Variants in DOCK4 observed in about 807,000 individuals in gnomAD.
DOCK4 encodes the protein dedicator of cytokinesis protein 4.
Under a neutral mutation model 268.1 loss-of-function variants are expected in DOCK4, and 97 were observed. That is an observed-to-expected ratio of 0.36 (90% CI 0.31 to 0.43). The LOEUF is 0.43. Among genes scored for constraint, DOCK4 ranks in the 20% least tolerant of loss-of-function variants. The probability of loss-of-function intolerance (pLI) is 1.00; values close to 1 mark genes in which losing one functional copy is unlikely to be tolerated. For missense variants in DOCK4, 2,145 were observed against 2,455.7 expected (o/e 0.87, Z 2.67); for synonymous variants, 954 against 887.2 (o/e 1.08, Z -1.34).
chr7:111,818,051 G>A (rs936260675), intron 27 of DOCK4, among the ~76,000 whole-genome samples: 4 of 152,136 alleles, frequency 2.6e-5, no homozygotes, highest in African/African-American at 9.7e-5. Context: ...TTCTTCACAG[G>A]ATACTGTACT....
intron 25 of DOCK4, among the ~76,000 whole-genome samples, chr7:111,839,760 A>G (rs1428067248): frequency 6.6e-6 from 1 of 152,182 alleles, no homozygotes; most frequent in Non-Finnish European, 1.5e-5. Context: ...TCCAATTACT[A>G]ATGTATATTT....
chr7:111,870,915 G>A (rs1806370162), intron 20 of DOCK4, among the ~76,000 whole-genome samples: 2 of 152,088 alleles, frequency 1.3e-5, no homozygotes, highest in African/African-American at 4.8e-5. Flanking sequence ...AAATTGTTAG[G>A]CTGAGTGGGC....
intron 5 of DOCK4, among the ~76,000 whole-genome samples, chr7:111,991,495 CAT>C (rs930558908): frequency 2.0e-5 from 3 of 151,954 alleles, no homozygotes; most frequent in African/African-American, 2.4e-5. Flanking sequence ...ATTCTGGAAA[CAT>C]AAAAAAACAG....
At chr7:112,030,257 G>A (rs1051368594) in intron 1 of DOCK4, among the ~76,000 whole-genome samples, 3 of 152,188 alleles carry the variant, frequency 2.0e-5, no homozygotes, top group African/African-American at 7.2e-5. Flanking sequence ...AAAAGGGCTG[G>A]GATGAGCATT....
intron 30 of DOCK4, among the ~76,000 whole-genome samples, chr7:111,797,889 G>A (rs1800010854): frequency 6.6e-6 from 1 of 152,072 alleles, no homozygotes; most frequent in Admixed American, 6.5e-5. Context: ...TTATTACACA[G>A]GCAGCTCCCA....
intron 16 of DOCK4, among the ~76,000 whole-genome samples, chr7:111,878,373 T>C (rs972976326): frequency 9.2e-5 from 14 of 152,190 alleles, no homozygotes; most frequent in Admixed American, 3.9e-4. Flanking sequence ...AAAATAAATA[T>C]GAAGCAGACC....
intron 30 of DOCK4, 143 bp downstream of exon 30, chr7:111,808,678 G>T: frequency 1.3e-6 from 1 of 782,326 alleles, no homozygotes; most frequent in Non-Finnish European, 2.0e-6. Flanking sequence ...ATGCCAAAGT[G>T]TCAATTACTT....
At chr7:111,841,911 G>A (rs1055594546) in intron 25 of DOCK4, among the ~76,000 whole-genome samples, 4 of 152,166 alleles carry the variant, frequency 2.6e-5, no homozygotes, top group South Asian at 2.1e-4. Context: ...TCTGCACGTC[G>A]ATAGAAAGCA....
chr7:111,945,111 A>T (rs1795514696), intron 9 of DOCK4, among the ~76,000 whole-genome samples: 1 of 152,232 alleles, frequency 6.6e-6, no homozygotes, highest in Non-Finnish European at 1.5e-5. Flanking sequence ...TCTCTCACTC[A>T]TTCATTCTTT....
Position 111,868,012 on chromosome 7 carries a change from T to C in DOCK4, c.2252A>G (p.Lys751Arg), listed in dbSNP as rs762567004. The C allele has an allele frequency of 3.4e-5, 54 of 1,611,838 alleles. No homozygotes were observed. The East Asian group carries it at 1.1e-3, about 33-fold the overall frequency. ...SVRFFLSQESKGSGALSQSQA... is the reference protein window; with the variant it reads ...SVRFFLSQESRGSGALSQSQA... Reference sequence around the variant, plus strand: ...TGACTGAGATAATGCTCCAGACCCTTTGCTCTCTTGCGAAAGAAAGAAACG... The same window carrying C: ...TGACTGAGATAATGCTCCAGACCCTCTGCTCTCTTGCGAAAGAAAGAAACG... Residue 751 changes from lysine (K) to arginine (R), a missense_variant, in exon 22 of 53, where the codon AAA becomes AGA. Around this residue, in one of 2 missense-constraint regions of DOCK4, gnomAD observed 1,598 missense variants for 1,986.7 expected, o/e 0.80. Coordinates refer to ENST00000428084, the MANE Select transcript of DOCK4 (RefSeq NM_001363540.2).
At chr7:111,728,792 GC>G (rs1214183580) in intron 52 of DOCK4, 72 bp from the exon 53 acceptor site, 13 of 1,426,108 alleles carry the variant, frequency 9.1e-6, no homozygotes, top group Admixed American at 2.3e-5. Context: ...TGAAATGTAC[GC>G]CCCGACGCGG....
rs942723922 is a variant in DOCK4, at chr7:111,728,409, G to A, written c.5793C>T (p.Ile1931=). 2 of 1,573,066 alleles carry A rather than the reference G, an allele frequency of 1.3e-6. No individual in the cohort carries two copies. The highest frequency in any genetic ancestry group is 1.3e-5 in the African/African-American group (1 of 74,520). ...RPVPLPHSLS[I]PVTSEPPALP... is the part of the protein sequence containing the mutation. The stretch of plus-strand genomic sequence containing the variant: ...GCGCGGGCGGCTCCGACGTGACGGG[G>A]ATGGAGAGGCTGTGAGGTAGCGGGA... The change falls in exon 53 of 53, where the codon ATC becomes ATT. Residue 1931 remains isoleucine (I), a synonymous_variant. Transcript: ENST00000428084.
chr7:112,137,978 A>T (rs1814521248), intron 1 of DOCK4, among the ~76,000 whole-genome samples: 1 of 152,222 alleles, frequency 6.6e-6, no homozygotes, highest in East Asian at 1.9e-4. Flanking sequence ...GTTAGCCATG[A>T]TCATAATCAA....
chr7:111,883,490 A>G (rs544327420), intron 16 of DOCK4, among the ~76,000 whole-genome samples: 32 of 152,218 alleles, frequency 2.1e-4, no homozygotes, highest in African/African-American at 7.7e-4. Flanking sequence ...CTGTTCACAG[A>G]AATTCTGCCC....
intron 1 of DOCK4, among the ~76,000 whole-genome samples, chr7:112,201,239 A>G (rs958054046): frequency 5.3e-5 from 8 of 152,184 alleles, no homozygotes; most frequent in African/African-American, 1.9e-4. Context: ...TCTTCCACCA[A>G]CATAGAAGGG....
chr7:112,041,548 A>G (rs1586702359), intron 1 of DOCK4, among the ~76,000 whole-genome samples: 1 of 152,234 alleles, frequency 6.6e-6, no homozygotes, highest in East Asian at 1.9e-4. Context: ...ATTACTGTGT[A>G]ACAATAAACC....
chr7:111,858,523 C>T (rs1400111143), intron 23 of DOCK4, among the ~76,000 whole-genome samples: 2 of 152,176 alleles, frequency 1.3e-5, no homozygotes, highest in African/African-American at 4.8e-5. Flanking sequence ...GAAGAAAACG[C>T]TGAGTAATGG....
chr7:112,195,095 A>G (rs769989421), intron 1 of DOCK4, among the ~76,000 whole-genome samples: 5 of 152,176 alleles, frequency 3.3e-5, no homozygotes, highest in Admixed American at 6.5e-5. Context: ...CCTGGTCAAC[A>G]TGGTGAAACC....
intron 1 of DOCK4, among the ~76,000 whole-genome samples, chr7:112,161,300 G>T (rs1422119806): frequency 1.3e-5 from 2 of 152,158 alleles, no homozygotes; most frequent in Non-Finnish European, 2.9e-5. Flanking sequence ...TAGGATGTAT[G>T]CCCATTGCAA....
Sources: gnomAD v4.1 joint callset for allele counts (sites outside exome capture counted in the v4.1 genomes callset) on GRCh38, gnomAD v4.1.1 for gene constraint, gnomAD v4.1.1 regional missense constraint, MANE v1.5 for transcripts, NCBI Gene and HGNC (gene_info 2026-07-23, HGNC 2026-07-21) for gene names.